Variants in LEKR1 observed in about 807,000 individuals in gnomAD.
LEKR1 encodes leucine, glutamate and lysine rich 1.
LEKR1 carries 59 observed loss-of-function variants against 72.4 expected under a neutral mutation model. The observed-to-expected ratio is 0.82, with a 90% confidence interval of 0.66 to 1.01. LEKR1 has a LOEUF of 1.01. Among genes scored for constraint, LEKR1 ranks in the 50% least tolerant of loss-of-function variants. The pLI is 0.00. For missense variants in LEKR1, 728 were observed against 759.2 expected (o/e 0.96, Z 0.48); for synonymous variants, 257 against 263.2 (o/e 0.98, Z 0.23).
At position 157,002,644 on chromosome 3, in the gene LEKR1, C is replaced by T. The variant is rs573392871; in HGVS notation, c.1110-8769C>T. On this transcript the variant is annotated intron_variant, in intron 9 of 12. Transcript: ENST00000356539. ...ATGGAGGCTCAGCAGGGAATCAAAG[C>T]GGTATAAAAGTCCTTCTCATTTCTG... 5.6e-4 allele frequency among the ~76,000 whole-genome samples: 85 copies of T among 152,192 alleles called. No individual in the cohort carries two copies. The South Asian group carries it at 6.2e-3, about 11-fold the overall frequency.
At chr3:156,832,691 A>G (rs896474480) in intron 2 of LEKR1, among the ~76,000 whole-genome samples, 1 of 152,198 alleles carries the variant, frequency 6.6e-6, no homozygotes. Flanking sequence ...GAGGTCCCAC[A>G]ATAACTTGGG....
intron 12 of LEKR1, among the ~76,000 whole-genome samples, chr3:157,031,002 A>G (rs1162227494): frequency 1.3e-5 from 2 of 152,158 alleles, no homozygotes; most frequent in African/African-American, 2.4e-5. Flanking sequence ...CTTCTGCTGT[A>G]TTCCATTTAT....
chr3:156,992,850 A>G (rs1402734838), intron 8 of LEKR1, 120 bp downstream of exon 8: 8 of 342,964 alleles, frequency 2.3e-5, no homozygotes, highest in Admixed American at 4.7e-5. Context: ...TACATATAAA[A>G]TACCTAATTC....
At chr3:156,891,110 G>A (rs1720624294) in intron 3 of LEKR1, among the ~76,000 whole-genome samples, 1 of 151,456 alleles carries the variant, frequency 6.6e-6, no homozygotes, top group Admixed American at 6.6e-5. Context: ...GACCTCAGGT[G>A]ATCTGCCTGC....
chr3:157,041,307 A>G (rs528633524), intron 12 of LEKR1, among the ~76,000 whole-genome samples: 8 of 152,192 alleles, frequency 5.3e-5, no homozygotes, highest in African/African-American at 1.9e-4. Context: ...TGGGGCTCCT[A>G]CTGTCCTCCC....
Position 156,842,425 on chromosome 3 carries a change from G to A in LEKR1, c.49-10343G>A, listed in dbSNP as rs1438541384. On this transcript the variant is annotated intron_variant, in intron 2 of 12. Coordinates refer to ENST00000356539, the MANE Select transcript of LEKR1 (RefSeq NM_001004316.3). The stretch of plus-strand genomic sequence containing the variant: ...GGCTTCTCTTTCTAGAGAAGTCCCT[G>A]CTGTTTCCTTTTTTTTCTGTGTGTA... Among the ~76,000 whole-genome samples, 4 of 151,854 alleles carry A rather than the reference G, an allele frequency of 2.6e-5. No homozygotes were observed. In the South Asian group the frequency reaches 8.3e-4, roughly 32 times the overall value.
chr3:156,926,625 A>T (rs1387945270), intron 4 of LEKR1, among the ~76,000 whole-genome samples: 1 of 151,914 alleles, frequency 6.6e-6, no homozygotes, highest in Non-Finnish European at 1.5e-5. Flanking sequence ...TATCCCTAGC[A>T]CTTCTCACTT....
intron 3 of LEKR1, among the ~76,000 whole-genome samples, chr3:156,916,642 A>G (rs1040995333): frequency 6.6e-5 from 10 of 152,294 alleles, no homozygotes; most frequent in South Asian, 2.1e-4. Flanking sequence ...TTATCAGCTG[A>G]AGGAGCTTTT....
At chr3:156,898,443 G>C (rs1721420332) in intron 3 of LEKR1, among the ~76,000 whole-genome samples, 1 of 152,204 alleles carries the variant, frequency 6.6e-6, no homozygotes, top group South Asian at 2.1e-4. Flanking sequence ...CCCAGAGAGA[G>C]CCCTTGCCGT....
At chr3:156,879,141 A>C (rs1310059085) in intron 3 of LEKR1, among the ~76,000 whole-genome samples, 1 of 152,204 alleles carries the variant, frequency 6.6e-6, no homozygotes, top group East Asian at 1.9e-4. Context: ...AGCATTAGGA[A>C]GGCTCAGAAG....
chr3:156,982,858 GATAGATAGATAGA>G (rs1560125718), intron 7 of LEKR1, among the ~76,000 whole-genome samples: 139 of 62,994 alleles, frequency 2.2e-3, no homozygotes, highest in Non-Finnish European at 3.8e-3. Flanking sequence ...TGTGTGTGTA[GATAGATAGATAGA>G]TAGATAGATA....
intron 3 of LEKR1, among the ~76,000 whole-genome samples, chr3:156,906,099 G>T (rs1722502149): frequency 6.6e-6 from 1 of 152,076 alleles, no homozygotes; most frequent in African/African-American, 2.4e-5. Context: ...CAGATTACAG[G>T]TGGTAAAATC....
intron 10 of LEKR1, among the ~76,000 whole-genome samples, chr3:157,014,729 C>T (rs1733171471): frequency 1.3e-5 from 2 of 151,948 alleles, no homozygotes; most frequent in South Asian, 4.2e-4. Context: ...CAGGAGTGGC[C>T]TGCGGAGATC....
intron 10 of LEKR1, among the ~76,000 whole-genome samples, chr3:157,018,753 G>T (rs899753351): frequency 3.3e-5 from 5 of 152,072 alleles, no homozygotes; most frequent in African/African-American, 1.2e-4. Flanking sequence ...TCTCTTAATC[G>T]AGACAGTGGG....
At chr3:156,988,870 C>T (rs1035185248) in intron 7 of LEKR1, among the ~76,000 whole-genome samples, 5 of 152,068 alleles carry the variant, frequency 3.3e-5, no homozygotes, top group Non-Finnish European at 4.4e-5. Context: ...CTCGCACTGT[C>T]GCCCAGGCTG....
At chr3:156,864,025 A>G (rs1300357453) in intron 3 of LEKR1, among the ~76,000 whole-genome samples, 1 of 152,072 alleles carries the variant, frequency 6.6e-6, no homozygotes, top group Non-Finnish European at 1.5e-5. Context: ...CACATTTTAA[A>G]CTAAAGTGAA....
chr3:156,902,534 A>T (rs191669072), intron 3 of LEKR1, among the ~76,000 whole-genome samples: 43 of 152,280 alleles, frequency 2.8e-4, no homozygotes, highest in African/African-American at 1.0e-3. Context: ...ACATATATCT[A>T]AAGATCACTG....
At chr3:156,960,184 TA>T (rs1727989364) in intron 6 of LEKR1, among the ~76,000 whole-genome samples, 1 of 152,234 alleles carries the variant, frequency 6.6e-6, no homozygotes, top group South Asian at 2.1e-4. Context: ...TTTCCAAAGT[TA>T]AATAAATGCT....
intron 3 of LEKR1, among the ~76,000 whole-genome samples, chr3:156,911,759 G>A (rs1294217512): frequency 1.3e-5 from 2 of 151,820 alleles, no homozygotes; most frequent in South Asian, 2.1e-4. Flanking sequence ...TTAAGTAGGG[G>A]GTTCTTTCCC....
Sources: allele counts gnomAD v4.1 joint callset (sites outside exome capture counted in the v4.1 genomes callset), GRCh38; gene constraint gnomAD v4.1.1; transcripts MANE v1.5; gene names NCBI Gene and HGNC (gene_info 2026-07-23, HGNC 2026-07-21).